Variants in EXO1 observed in about 807,000 individuals in gnomAD.
EXO1 encodes exonuclease 1.
EXO1 carries 69 observed loss-of-function variants against 84.5 expected under a neutral mutation model. The ratio of observed to expected loss-of-function variants is 0.82; its 90% CI spans 0.67 to 1.00. The LOEUF is 1.00. Ranked by LOEUF, EXO1 falls within the 50% of genes least tolerant of loss-of-function variation. The pLI is 0.00. For synonymous variants in EXO1, 373 were observed against 366.1 expected, an observed-to-expected ratio of 1.02 and a Z score of -0.21; for missense variants, 1,045 against 1,000.7, an observed-to-expected ratio of 1.04 and a Z score of -0.60.
Position 241,879,270 on chromosome 1 carries a change from G to C in EXO1, c.2036G>C (p.Ser679Thr). 1 of 1,602,058 alleles carries C rather than the reference G, an allele frequency of 6.2e-7. No homozygotes were observed. The highest frequency in any genetic ancestry group is 8.5e-7 in the Non-Finnish European group (1 of 1,176,466). Reference sequence around the variant, plus strand: ...GCATGTTCTTCACAGTCCCAGGAAAGTGGAGAATTCTCACTGCAGAGTTCA... The same window carrying C: ...GCATGTTCTTCACAGTCCCAGGAAACTGGAGAATTCTCACTGCAGAGTTCA... ...EEACSSQSQE[S>T]GEFSLQSSNA... The change falls in exon 13 of 16, where the codon AGT becomes ACT. Residue 679 changes from serine (S) to threonine (T), a missense_variant. Physicochemically the swap from Ser to Thr is moderately conservative, Grantham distance 58. Transcript: ENST00000366548.
Position 241,881,930 on chromosome 1 carries a change from T to C in EXO1, c.2124T>C (p.Asn708=), listed in dbSNP as rs757313427. 6.4e-7 allele frequency: 1 copy of C among 1,556,554 alleles called. No individual in the cohort carries two copies. The highest frequency in any genetic ancestry group is 1.1e-5 in the South Asian group (1 of 87,330). The change falls in exon 14 of 16, where the codon AAT becomes AAC. Residue 708 remains asparagine, a synonymous_variant. Transcript: ENST00000366548. ...KDSDSEESDC[N]IKLLDSQSDQ... The stretch of plus-strand genomic sequence containing the variant: ...GGGGACTCTAGGAATCTGATTGCAA[T>C]ATTAAGTTACTTGACAGTCAAAGTG...
chr1:241,878,723 A>G (rs1413211846), intron 12 of EXO1, 26 bp from the exon 13 acceptor site: 4 of 1,418,320 alleles, frequency 2.8e-6, no homozygotes. Context: ...ATACTTACTT[A>G]TTGTTTCTAT....
At chr1:241,865,398 A>C (rs1661657063) in intron 10 of EXO1, among the ~76,000 whole-genome samples, 1 of 151,468 alleles carries the variant, frequency 6.6e-6, no homozygotes, top group African/African-American at 2.4e-5. Flanking sequence ...TTTAGTAGAG[A>C]TGGGGTTTCA....
intron 11 of EXO1, among the ~76,000 whole-genome samples, chr1:241,868,160 A>G (rs1190276562): frequency 1.3e-5 from 2 of 152,028 alleles, no homozygotes; most frequent in African/African-American, 4.8e-5. Context: ...AGATCACTTG[A>G]GGTCAGGTGC....
At position 241,885,232 on chromosome 1, in the gene EXO1, A is replaced by ATAAATAAATAAATAAATAAG. The variant is rs1296876717; in HGVS notation, c.2212-79_2212-78insATAAATAAATAAATAAGTAA. 2.1e-5 allele frequency: 16 copies of ATAAATAAATAAATAAATAAG among 779,968 alleles called. No homozygotes were observed. The African/African-American group carries it at 2.9e-4, about 14-fold the overall frequency. 48.3% of individuals were successfully genotyped at this position (779,968 alleles called of 1,614,324 possible). ...AAAAAGTAAATAAATAAATAAATAA[A>ATAAATAAATAAATAAATAAG]TAAGTAAAGAATAAAGAATAGCTTG... On this transcript the variant is annotated intron_variant, in intron 14 of 15. Coordinates refer to ENST00000366548, the MANE Select transcript of EXO1 (RefSeq NM_130398.4).
rs957532781 is a variant in EXO1 at position 241,855,048 on chromosome 1, C to A, written c.405+1567C>A. ...TACAGCTCATAAAAGCAGCGTGGAC[C>A]CAAAGAGTGAGCAGTAGCAAGATGT... is the stretch of plus-strand genomic sequence containing the variant. On this transcript the variant is annotated intron_variant, in intron 6 of 15. Coordinates refer to ENST00000366548, the MANE Select transcript of EXO1 (RefSeq NM_130398.4). 2.6e-5 allele frequency among the ~76,000 whole-genome samples: 4 copies of A among 152,186 alleles called. No homozygotes were observed. The South Asian group carries it at 8.3e-4, about 32-fold the overall frequency.
chr1:241,871,315 C>T (rs1321376745), intron 11 of EXO1, among the ~76,000 whole-genome samples: 1 of 152,216 alleles, frequency 6.6e-6, no homozygotes, highest in Non-Finnish European at 1.5e-5. Flanking sequence ...ATCTTACCAA[C>T]TTCACAAAGA....
At chr1:241,855,376 C>G (rs1229666672) in intron 6 of EXO1, among the ~76,000 whole-genome samples, 1 of 152,128 alleles carries the variant, frequency 6.6e-6, no homozygotes, top group Non-Finnish European at 1.5e-5. Context: ...ATTCACAAAC[C>G]CTGAGCTAGA....
At chr1:241,883,444 C>A (rs759139879) in intron 14 of EXO1, among the ~76,000 whole-genome samples, 6 of 152,122 alleles carry the variant, frequency 3.9e-5, no homozygotes, top group South Asian at 4.1e-4. Context: ...TTTTGTACCT[C>A]TTCTTAAGGG....
intron 15 of EXO1, among the ~76,000 whole-genome samples, chr1:241,885,771 G>A (rs1349678691): frequency 1.3e-5 from 2 of 151,924 alleles, no homozygotes; most frequent in African/African-American, 4.8e-5. Context: ...TGCTTTCCTA[G>A]GCCTTAAGTC....
intron 10 of EXO1, among the ~76,000 whole-genome samples, chr1:241,863,401 T>C (rs1462961830): frequency 7.7e-6 from 1 of 129,578 alleles, no homozygotes; most frequent in African/African-American, 2.9e-5. Flanking sequence ...GATGGGTGAT[T>C]CCAGGCTAAA....
At chr1:241,860,187 C>CT (rs1048741485) in intron 8 of EXO1, among the ~76,000 whole-genome samples, 30 of 151,306 alleles carry the variant, frequency 2.0e-4, no homozygotes, top group Middle Eastern at 6.8e-3. Context: ...TTTGGATGTT[C>CT]TTTTTTTTTC....
intron 12 of EXO1, among the ~76,000 whole-genome samples, chr1:241,875,835 G>A (rs981029833): frequency 2.6e-5 from 4 of 152,146 alleles, no homozygotes; most frequent in Non-Finnish European, 4.4e-5. Flanking sequence ...CCAAGATCAC[G>A]CCACTGCACT....
At chr1:241,888,174 C>T (rs1663170078) in intron 15 of EXO1, among the ~76,000 whole-genome samples, 1 of 151,982 alleles carries the variant, frequency 6.6e-6, no homozygotes, top group Non-Finnish European at 1.5e-5. Flanking sequence ...CGGGAGGTGG[C>T]GGTTGCAGTG....
At position 241,861,402 on chromosome 1, in the gene EXO1, C is replaced by T. The variant is rs759966857; in HGVS notation, c.945-4C>T. On this transcript the variant is annotated splice_polypyrimidine_tract_variant and splice_region_variant and intron_variant, in intron 9 of 15. Transcript: ENST00000366548. ...TACATTTTTCCTTAATCTTGCTAATCTAGATATGTTGATGATTCCATAGCT... is the reference window on the plus strand; with the variant it reads ...TACATTTTTCCTTAATCTTGCTAATTTAGATATGTTGATGATTCCATAGCT... 6 of 1,366,714 alleles carry T rather than the reference C, an allele frequency of 4.4e-6. No homozygotes were observed. The highest frequency in any genetic ancestry group is 5.2e-6 in the Non-Finnish European group (5 of 954,240). 84.7% of individuals were successfully genotyped at this position (1,366,714 alleles called of 1,614,324 possible).
rs566662494 is a variant in EXO1, at chr1:241,869,400, A to C, written c.1267+2345A>C. On this transcript the variant is annotated intron_variant, in intron 11 of 15. Transcript: ENST00000366548. Reference sequence around the variant, plus strand: ...GGAAACGTGGGAATTTTTTCACCATAGAGGATGTTTAAAATGAAAAGAATG... The same window carrying C: ...GGAAACGTGGGAATTTTTTCACCATCGAGGATGTTTAAAATGAAAAGAATG... Among the ~76,000 whole-genome samples, 3 of 152,342 alleles carry C rather than the reference A, an allele frequency of 2.0e-5. No individual in the cohort carries two copies. In the East Asian group the frequency reaches 5.8e-4, roughly 29 times the overall value.
At chr1:241,855,152 C>T (rs1166587978) in intron 6 of EXO1, among the ~76,000 whole-genome samples, 2 of 152,160 alleles carry the variant, frequency 1.3e-5, no homozygotes, top group African/African-American at 4.8e-5. Flanking sequence ...CTGGGGCAGC[C>T]AGCTTTTATT....
At chr1:241,856,811 AC>A (rs1661074447) in intron 6 of EXO1, among the ~76,000 whole-genome samples, 1 of 152,224 alleles carries the variant, frequency 6.6e-6, no homozygotes, top group African/African-American at 2.4e-5. Flanking sequence ...CGAGTGGATC[AC>A]TTGAGTCCAG....
rs764120105 is a variant in EXO1, at chr1:241,861,409, T to C, written c.948T>C (p.Tyr316=). The C allele has an allele frequency of 2.1e-6, 3 of 1,435,232 alleles. No individual in the cohort carries two copies. Among genetic ancestry groups the C allele is most frequent in the South Asian group, 1.1e-5 (1 of 87,530 alleles). 88.9% of individuals were successfully genotyped at this position (1,435,232 alleles called of 1,614,324 possible). A position where few individuals can be genotyped will look rare whatever the true frequency, so the allele number is the denominator to read the frequency against. The part of the protein sequence containing the change: ...DPETLSYAGQ[Y]VDDSIALQIA... Reference sequence around the variant, plus strand: ...TTCCTTAATCTTGCTAATCTAGATATGTTGATGATTCCATAGCTCTTCAAA... The same window carrying C: ...TTCCTTAATCTTGCTAATCTAGATACGTTGATGATTCCATAGCTCTTCAAA... Residue 316 remains tyrosine, a synonymous_variant, in exon 10 of 16, where the codon TAT becomes TAC. Coordinates refer to ENST00000366548, the MANE Select transcript of EXO1 (RefSeq NM_130398.4).
Sources: allele counts gnomAD v4.1 joint callset (sites outside exome capture counted in the v4.1 genomes callset), GRCh38; gene constraint gnomAD v4.1.1; transcripts MANE v1.5; gene names NCBI Gene and HGNC (gene_info 2026-07-23, HGNC 2026-07-21).